LSM5: variants seen among roughly 807,000 people sequenced by gnomAD.
The protein encoded by LSM5 is U6 snRNA-associated Sm-like protein LSm5.
In LSM5, 8 loss-of-function variants were observed where a neutral mutation model predicts 13.8. The ratio of observed to expected loss-of-function variants is 0.58; its 90% confidence interval spans 0.34 to 1.04. LSM5 has a LOEUF of 1.04. Ranked by LOEUF, LSM5 falls within the 50% of genes least tolerant of loss-of-function variation. The pLI is 0.03. For missense variants in LSM5, 80 were observed against 108.1 expected, an observed-to-expected ratio of 0.74 and a Z score of 1.15; for synonymous variants, 35 against 37.0, an observed-to-expected ratio of 0.95 and a Z score of 0.20.
chr7:32,494,746 G>A (rs1377237851), upstream of LSM5, among the ~76,000 whole-genome samples: 1 of 152,180 alleles, frequency 6.6e-6, no homozygotes, highest in South Asian at 2.1e-4. Context: ...ATTGACCAGA[G>A]TACTACACCC....
rs1786467760 is a variant in LSM5, at chr7:32,487,204, C to T, written c.*57G>A. Reference sequence around the variant, plus strand: ...ACATTAGAAAGTGGGAAAAAAAATTCCATTTTCTTGTCATTATAAGCCAAA... The same window carrying T: ...ACATTAGAAAGTGGGAAAAAAAATTTCATTTTCTTGTCATTATAAGCCAAA... On this transcript the variant is annotated 3_prime_UTR_variant, in exon 5 of 5. Coordinates refer to ENST00000450169, the MANE Select transcript of LSM5 (RefSeq NM_012322.3). 3 of 1,504,420 alleles carry T rather than the reference C, an allele frequency of 2.0e-6. No homozygotes were observed. The highest frequency in any genetic ancestry group is 2.8e-6 in the Non-Finnish European group (3 of 1,083,378). The allele number at this position is 1,504,420 out of a possible 1,614,324, so 93.2% of individuals were successfully genotyped here. A position where few individuals can be genotyped will look rare whatever the true frequency, so the allele number is the denominator to read the frequency against.
chr7:32,490,767 C>A (rs149177115), upstream of LSM5: 332 of 219,944 alleles, frequency 1.5e-3, 1 homozygote, highest in Middle Eastern at 4.5e-3. Context: ...TTCGTTACAA[C>A]TACTCATTAA....
At chr7:32,494,115 G>A (rs559323533), upstream of LSM5, among the ~76,000 whole-genome samples, 1 of 152,202 alleles carries the variant, frequency 6.6e-6, no homozygotes, top group South Asian at 2.1e-4. Flanking sequence ...GATTACAGGC[G>A]TGAGCCACCA....
upstream of LSM5, among the ~76,000 whole-genome samples, chr7:32,494,620 A>G (rs1786691771): frequency 6.6e-6 from 1 of 152,216 alleles, no homozygotes; most frequent in African/African-American, 2.4e-5. Flanking sequence ...GACTTGTTAA[A>G]TCTTTTCTAT....
At chr7:32,493,597 T>C (rs1786644413), upstream of LSM5, among the ~76,000 whole-genome samples, 1 of 152,186 alleles carries the variant, frequency 6.6e-6, no homozygotes, top group South Asian at 2.1e-4. Context: ...TGGAGAGCAG[T>C]GCAGTGACAC....
Position 32,490,325 on chromosome 7 carries a change from G to C in LSM5, c.41C>G (p.Pro14Arg). The C allele has an allele frequency of 2.5e-6, 4 of 1,614,178 alleles. No individual in the cohort carries two copies. The highest frequency in any genetic ancestry group is 3.4e-6 in the Non-Finnish European group (4 of 1,180,008). Residue 14 changes from proline to arginine, a missense_variant, in exon 1 of 5, where the codon CCC (proline) becomes CGC (arginine). Physicochemically the swap from Pro to Arg is moderately radical, Grantham distance 103 (BLOSUM62 -2). Transcript: ENST00000450169. ...NATTNPSQLL[P>R]LELVDKCIGS... ...CCCCAAAGGACGGCGATTACCTAAG[G>C]GCAGCAGCTGCGACGGGTTGGTAGT...
upstream of LSM5, among the ~76,000 whole-genome samples, chr7:32,494,443 A>G (rs1786685835): frequency 6.6e-6 from 1 of 152,224 alleles, no homozygotes; most frequent in Admixed American, 6.5e-5. Context: ...CAGAAACTAA[A>G]TTTGATTTAG....
chr7:32,492,891 CA>C (rs1444047670), upstream of LSM5, among the ~76,000 whole-genome samples: 1 of 152,228 alleles, frequency 6.6e-6, no homozygotes, highest in African/African-American at 2.4e-5. Context: ...TTCAGAAAGG[CA>C]TTTCTAATTT....
chr7:32,488,581 TTTAA>T (rs767819030), intron 3 of LSM5, 40 bp downstream of exon 3: 22 of 1,375,916 alleles, frequency 1.6e-5, no homozygotes, highest in Non-Finnish European at 2.1e-5. Context: ...TAAAACTGTC[TTTAA>T]TTAAGAAGAG....
chr7:32,486,349 G>A lies in LSM5; in HGVS notation c.*912C>T, dbSNP rs1236662564. 1.3e-5 allele frequency: 2 copies of A among 152,190 alleles called. No individual in the cohort carries two copies. Among genetic ancestry groups the A allele is most frequent in the Non-Finnish European group, 2.9e-5 (2 of 68,040 alleles). The allele number at this position is 152,190 out of a possible 1,614,324, so 9.4% of individuals were successfully genotyped here. A position where few individuals can be genotyped will look rare whatever the true frequency, so the allele number is the denominator to read the frequency against. ...AGGGTAAAAACAGTATAATCAGGAT[G>A]AGCAAGTAAAATAAAACGTGTACTG... On this transcript the variant is annotated 3_prime_UTR_variant, in exon 5 of 5. Transcript: ENST00000450169.
At chr7:32,492,100 C>T (rs1213298846), upstream of LSM5, among the ~76,000 whole-genome samples, 2 of 151,684 alleles carry the variant, frequency 1.3e-5, no homozygotes, top group Non-Finnish European at 2.9e-5. Flanking sequence ...TTCTTTTTGT[C>T]CAATCCTCAT....
At chr7:32,489,584 C>T (rs1185515990) in intron 1 of LSM5, 1 of 445,968 alleles carries the variant, frequency 2.2e-6, no homozygotes, top group Non-Finnish European at 4.0e-6. Flanking sequence ...ACCACTAGTT[C>T]AATCACTCTT....
At chr7:32,492,341 G>C (rs1786614114), upstream of LSM5, among the ~76,000 whole-genome samples, 1 of 152,174 alleles carries the variant, frequency 6.6e-6, no homozygotes, top group Admixed American at 6.5e-5. Context: ...TGGCCAACAT[G>C]GTGAAACCCC....
At chr7:32,493,211 CA>C (rs1000913873), upstream of LSM5, among the ~76,000 whole-genome samples, 9 of 152,322 alleles carry the variant, frequency 5.9e-5, no homozygotes, top group South Asian at 8.3e-4. Context: ...CTCGCGGACT[CA>C]AGCAATCCTC....
intron 4 of LSM5, 171 bp from the exon 5 acceptor site, chr7:32,487,464 T>C (rs1041019596): frequency 4.5e-6 from 3 of 670,200 alleles, no homozygotes; most frequent in Admixed American, 2.7e-5. Context: ...ATACTTACTA[T>C]CTCAACAGCG....
chr7:32,487,949 AACTC>A, intron 3 of LSM5, 192 bp from the exon 4 acceptor site: 1 of 529,562 alleles, frequency 1.9e-6, no homozygotes, highest in Non-Finnish European at 3.4e-6. Context: ...CAGCAGAATG[AACTC>A]ACTGACACTA....
intron 1 of LSM5, chr7:32,489,987 G>A: frequency 2.4e-6 from 3 of 1,262,894 alleles, no homozygotes; most frequent in Middle Eastern, 3.2e-4. Flanking sequence ...ATCTAATCTG[G>A]GGATCGTAAA....
intron 3 of LSM5, 38 bp downstream of exon 3, chr7:32,488,587 T>G: frequency 7.0e-7 from 1 of 1,433,682 alleles, no homozygotes; most frequent in Non-Finnish European, 9.8e-7. Context: ...TGTCTTTAAT[T>G]AAGAAGAGAT....
At chr7:32,491,650 C>A (rs1786590393), upstream of LSM5, among the ~76,000 whole-genome samples, 1 of 151,978 alleles carries the variant, frequency 6.6e-6, no homozygotes, top group South Asian at 2.1e-4. Flanking sequence ...CTCAATATAC[C>A]CATTGGAAAA....
Sources: allele counts gnomAD v4.1 joint callset (sites outside exome capture counted in the v4.1 genomes callset), GRCh38; gene constraint gnomAD v4.1.1; transcripts MANE v1.5; gene names NCBI Gene and HGNC (gene_info 2026-07-23, HGNC 2026-07-21).